TXNDC9: variants seen among roughly 807,000 people sequenced by gnomAD.
TXNDC9 encodes thioredoxin domain-containing protein 9.
A neutral mutation model predicts 23.0 loss-of-function variants in TXNDC9; 7 were observed. The ratio of observed to expected loss-of-function variants is 0.30; its 90% CI spans 0.17 to 0.57. The LOEUF (loss-of-function observed/expected upper bound fraction) is 0.57, where lower values mean the gene tolerates loss of function less well. TXNDC9 is among the 20% of genes least tolerant of loss of function. The pLI is 0.90. For synonymous variants in TXNDC9, 72 were observed against 90.6 expected (o/e 0.79, Z 1.17); for missense variants, 198 against 252.6 (o/e 0.78, Z 1.47).
At chr2:99,311,485 A>AG in the TXNDC9 span, among the ~76,000 whole-genome samples, 6 of 151,972 alleles carry the variant, frequency 3.9e-5, no homozygotes, top group East Asian at 3.9e-4. Flanking sequence ...ATGGTGGGGG[A>AG]GGGGGTCTCA....
At chr2:99,328,262 ATTTT>A (rs59604079) in intron 2 of TXNDC9, among the ~76,000 whole-genome samples, 54,457 of 138,042 alleles carry the variant, frequency 0.39, 10,985 homozygotes, top group East Asian at 0.63. Context: ...CACGCCTGGC[ATTTT>A]TTTTTTTTTT....
At chr2:99,319,989 T>A (rs1406462732) in intron 4 of TXNDC9, among the ~76,000 whole-genome samples, 190 bp from the exon 5 acceptor site, 2 of 152,144 alleles carry the variant, frequency 1.3e-5, no homozygotes, top group Non-Finnish European at 2.9e-5. Context: ...TGTGTCCTAC[T>A]GAATGTTTTA....
the TXNDC9 span, chr2:99,306,903 C>A: frequency 5.2e-6 from 2 of 382,656 alleles, no homozygotes; most frequent in Admixed American, 2.7e-5. Flanking sequence ...AGCCCAAAAA[C>A]CTGTCTGGGC....
chr2:99,319,811 A>T lies in TXNDC9; in HGVS notation c.564-12T>A, dbSNP rs1276200548. ...CCATTAAATTTCCACTTAAAAAAAA[A>T]AAAAAGCATTTTATTCTTTATGATT... On this transcript the variant is annotated splice_polypyrimidine_tract_variant and intron_variant, in intron 4 of 4. Transcript: ENST00000264255. 4 of 1,533,188 alleles carry T rather than the reference A, an allele frequency of 2.6e-6. No individual in the cohort carries two copies. The highest frequency in any genetic ancestry group is 3.5e-6 in the Non-Finnish European group (4 of 1,131,162). 95.0% of individuals were successfully genotyped at this position (1,533,188 alleles called of 1,614,324 possible). A position where few individuals can be genotyped will look rare whatever the true frequency, so the allele number is the denominator to read the frequency against.
At chr2:99,333,676 A>G (rs1328112937) in intron 1 of TXNDC9, among the ~76,000 whole-genome samples, 4 of 152,228 alleles carry the variant, frequency 2.6e-5, no homozygotes, top group African/African-American at 9.6e-5. Flanking sequence ...AAATATATAT[A>G]TTAAACTTTA....
At chr2:99,307,254 C>G in the TXNDC9 span, among the ~76,000 whole-genome samples, 43 of 151,484 alleles carry the variant, frequency 2.8e-4, no homozygotes, top group African/African-American at 1.0e-3. Context: ...TGAGGTATGG[C>G]AAGAAACAAA....
rs1414250004 is a variant in TXNDC9 at position 99,333,056 on chromosome 2, A to T, written c.155T>A (p.Leu52His). 6.2e-7 allele frequency: 1 copy of T among 1,614,118 alleles called. No homozygotes were observed. The highest frequency in any genetic ancestry group is 1.7e-5 in the Admixed American group (1 of 60,014). ...CTGTTGAGCTTTCCTTAGTGCCTGG[A>T]GTCTCTTTTCTTTAAGGCGTTCCAA... ...DELERLKEKR[L>H]QALRKAQQQK... Residue 52 changes from leucine (L) to histidine (H), a missense_variant, in exon 2 of 5, where the codon CTC becomes CAC. By Grantham distance (99) the Leu-to-His change is moderately conservative. Transcript: ENST00000264255.
downstream of TXNDC9, among the ~76,000 whole-genome samples, chr2:99,316,117 C>CTTTTT (rs57142545): frequency 1.6e-4 from 22 of 135,948 alleles, no homozygotes; most frequent in Non-Finnish European, 2.2e-4. Flanking sequence ...ATTTCTTTTT[C>CTTTTT]TTTTTTTTTT....
chr2:99,327,014 CA>C (rs1487426924), intron 3 of TXNDC9, among the ~76,000 whole-genome samples: 2 of 152,108 alleles, frequency 1.3e-5, no homozygotes, highest in Non-Finnish European at 2.9e-5. Context: ...CAGTAATATT[CA>C]TTTATACTTT....
At chr2:99,313,729 C>G in the TXNDC9 span, among the ~76,000 whole-genome samples, 2 of 152,198 alleles carry the variant, frequency 1.3e-5, no homozygotes, top group Non-Finnish European at 2.9e-5. Flanking sequence ...CCACCCTGAC[C>G]TCTGCAGGGA....
the TXNDC9 span, among the ~76,000 whole-genome samples, chr2:99,308,040 A>T: frequency 6.6e-6 from 1 of 152,202 alleles, no homozygotes; most frequent in Admixed American, 6.5e-5. Context: ...ACACCTCTAG[A>T]GTCCATAGAC....
At chr2:99,314,732 T>C (rs944143903), downstream of TXNDC9, among the ~76,000 whole-genome samples, 3 of 150,844 alleles carry the variant, frequency 2.0e-5, no homozygotes, top group Admixed American at 2.0e-4. Context: ...GGTTTCACCA[T>C]GTTGTCTGCC....
intron 2 of TXNDC9, among the ~76,000 whole-genome samples, chr2:99,329,345 C>T (rs1301491910): frequency 1.6e-4 from 24 of 152,164 alleles, no homozygotes; most frequent in Admixed American, 1.6e-3. Context: ...CCTACTCTTC[C>T]AGGATATCAA....
rs767342439 is a variant in TXNDC9 at position 99,319,743 on chromosome 2, G to C, written c.620C>G (p.Thr207Arg). ...QNQKKFGTNF[T>R]KLEKKTIRGK... ...TCGGATAGTTTTCTTTTCCAGCTTT[G>C]TGAAGTTTGTTCCAAATTTCTTTTG... Residue 207 changes from threonine to arginine, a missense_variant, in exon 5 of 5, where the codon ACA becomes AGA. Coordinates refer to ENST00000264255, the MANE Select transcript of TXNDC9 (RefSeq NM_005783.4). The C allele has an allele frequency of 3.8e-6, 6 of 1,597,126 alleles. No homozygotes were observed. The highest frequency in any genetic ancestry group is 5.1e-6 in the Non-Finnish European group (6 of 1,174,002).
chr2:99,331,931 T>C (rs938046890), intron 2 of TXNDC9, among the ~76,000 whole-genome samples: 5 of 152,092 alleles, frequency 3.3e-5, no homozygotes, highest in African/African-American at 9.7e-5. Context: ...GGTTTCACCA[T>C]GTTGGCCAGG....
chr2:99,318,217 C>T (rs2094194016), downstream of TXNDC9, among the ~76,000 whole-genome samples: 1 of 151,654 alleles, frequency 6.6e-6, no homozygotes, highest in Non-Finnish European at 1.5e-5. Context: ...TTGGCATTCC[C>T]TTTTGCTTGT....
chr2:99,334,892 T>C (rs548273954), intron 1 of TXNDC9, among the ~76,000 whole-genome samples: 111 of 152,256 alleles, frequency 7.3e-4, no homozygotes, highest in Non-Finnish European at 1.3e-3. Context: ...CTTTTTGTAT[T>C]TTTAGTACAG....
At chr2:99,308,456 G>A in the TXNDC9 span, among the ~76,000 whole-genome samples, 3 of 152,220 alleles carry the variant, frequency 2.0e-5, no homozygotes, top group African/African-American at 2.4e-5. Context: ...CATGATCTTA[G>A]TGGCAGAATA....
chr2:99,321,032 T>TG (rs2094200422), intron 4 of TXNDC9: 1 of 152,104 alleles, frequency 6.6e-6, no homozygotes, highest in Admixed American at 6.6e-5. Flanking sequence ...ATTACACAAG[T>TG]GCCCCACCCG....
Sources: allele counts gnomAD v4.1 joint callset (sites outside exome capture counted in the v4.1 genomes callset), GRCh38; gene constraint gnomAD v4.1.1; transcripts MANE v1.5; gene names NCBI Gene and HGNC (gene_info 2026-07-23, HGNC 2026-07-21).